Variants in SNTG2 observed in about 807,000 individuals in gnomAD.
SNTG2 encodes the protein syntrophin gamma 2.
SNTG2 carries 74 observed loss-of-function variants against 70.9 expected under a neutral mutation model. The observed-to-expected ratio is 1.04, with a 90% CI of 0.86 to 1.27. SNTG2 has a LOEUF of 1.27. Ranked by LOEUF, SNTG2 falls within the 50% of genes most tolerant of loss-of-function variation. The pLI is 0.00. For missense variants in SNTG2, 717 were observed against 690.7 expected (o/e 1.04, Z -0.43); for synonymous variants, 278 against 273.8 (o/e 1.02, Z -0.15).
chr2:1,127,040 G>T (rs183837140), intron 4 of SNTG2, among the ~76,000 whole-genome samples: 77 of 152,028 alleles, frequency 5.1e-4, no homozygotes, highest in Admixed American at 9.2e-4. Flanking sequence ...TCTCAGACCA[G>T]TGTCCAGAAC....
chr2:1,003,011 A>G (rs1659455432), intron 1 of SNTG2, among the ~76,000 whole-genome samples: 1 of 152,140 alleles, frequency 6.6e-6, no homozygotes, highest in Admixed American at 6.6e-5. Flanking sequence ...CAAATCCTGC[A>G]TGTCCCTGCA....
At chr2:1,154,268 A>G (rs7579418) in intron 6 of SNTG2, among the ~76,000 whole-genome samples, 129,603 of 151,582 alleles carry the variant, frequency 0.86, 55,777 homozygotes, top group Middle Eastern at 0.95. Context: ...CATCACATGC[A>G]GCTGAGGCGC....
At chr2:956,030 G>GGCCCCT (rs74164481) in intron 1 of SNTG2, among the ~76,000 whole-genome samples, 49 of 125,862 alleles carry the variant, frequency 3.9e-4, no homozygotes, top group Admixed American at 1.1e-3. Flanking sequence ...TGACTGTGCT[G>GGCCCCT]GCCCCTGCCC....
chr2:1,226,204 C>T (rs1675765408), intron 9 of SNTG2, among the ~76,000 whole-genome samples: 1 of 152,116 alleles, frequency 6.6e-6, no homozygotes, highest in Non-Finnish European at 1.5e-5. Flanking sequence ...TTAGAGGAAA[C>T]CTACATGGTT....
At chr2:1,015,926 A>G (rs572766285) in intron 1 of SNTG2, among the ~76,000 whole-genome samples, 2 of 152,382 alleles carry the variant, frequency 1.3e-5, no homozygotes, top group South Asian at 4.1e-4. Flanking sequence ...GTCCATGTTT[A>G]TAAATGGTCA....
chr2:1,242,341 T>A (rs1677106518), intron 11 of SNTG2, among the ~76,000 whole-genome samples: 1 of 152,098 alleles, frequency 6.6e-6, no homozygotes, highest in Admixed American at 6.5e-5. Flanking sequence ...GTCAAAAAAA[T>A]TTATGTGAAA....
chr2:1,091,476 G>A (rs1665021770), intron 2 of SNTG2, among the ~76,000 whole-genome samples: 1 of 152,198 alleles, frequency 6.6e-6, no homozygotes, highest in Non-Finnish European at 1.5e-5. Context: ...CAGAGACTCT[G>A]ATGCCAGGAC....
intron 14 of SNTG2, among the ~76,000 whole-genome samples, chr2:1,297,916 G>T (rs942977498): frequency 2.6e-5 from 4 of 152,108 alleles, no homozygotes; most frequent in African/African-American, 7.2e-5. Context: ...CCCAACCAGG[G>T]CTTGAGCAGG....
intron 4 of SNTG2, among the ~76,000 whole-genome samples, chr2:1,120,519 A>T (rs1485941058): frequency 2.0e-5 from 3 of 152,182 alleles, no homozygotes; most frequent in African/African-American, 7.2e-5. Flanking sequence ...GACCCGCTTT[A>T]TCTTTAAGGA....
chr2:1,135,504 G>T (rs1340738629), intron 4 of SNTG2, among the ~76,000 whole-genome samples: 1 of 152,236 alleles, frequency 6.6e-6, no homozygotes, highest in Admixed American at 6.5e-5. Flanking sequence ...CAGATCACCT[G>T]AGGTCAGGAG....
chr2:1,206,371 A>G (rs1207787700), intron 8 of SNTG2, among the ~76,000 whole-genome samples: 1 of 152,158 alleles, frequency 6.6e-6, no homozygotes, highest in Non-Finnish European at 1.5e-5. Flanking sequence ...ATTTCCTCCA[A>G]TGTCAGTGCC....
At chr2:1,170,221 C>G (rs796645972) in intron 7 of SNTG2, among the ~76,000 whole-genome samples, 1 of 152,168 alleles carries the variant, frequency 6.6e-6, no homozygotes, top group Non-Finnish European at 1.5e-5. Flanking sequence ...GGCTCTTGGT[C>G]TTTTTATAAA....
chr2:1,217,021 G>A (rs1674439258), intron 9 of SNTG2, among the ~76,000 whole-genome samples: 1 of 151,970 alleles, frequency 6.6e-6, no homozygotes, highest in Admixed American at 6.6e-5. Context: ...ATGAGCAGGG[G>A]GACTTCCCAT....
Position 1,353,503 on chromosome 2 carries a change from A to G in SNTG2, c.1489-13840A>G. On this transcript the variant is annotated intron_variant, in intron 16 of 16. Coordinates refer to ENST00000308624, the MANE Select transcript of SNTG2 (RefSeq NM_018968.4). The surrounding 1 kb of genome is among the most constrained non-coding windows in gnomAD (Gnocchi z 4.2). ...CAGGTATTCATTCATGCATTGAACA[A>G]CCATCTCTTTCAAGTCTTGCTTTGA... 6.6e-6 allele frequency among the ~76,000 whole-genome samples: 1 copy of G among 152,282 alleles called. No homozygotes were observed. Among genetic ancestry groups the G allele is most frequent in the East Asian group, 1.9e-4 (1 of 5,182 alleles).
intron 1 of SNTG2, among the ~76,000 whole-genome samples, chr2:1,083,250 TAAAA>T (rs34463801): frequency 8.9e-5 from 5 of 56,188 alleles, no homozygotes; most frequent in Non-Finnish European, 1.3e-4. Flanking sequence ...CTTCACAAGT[TAAAA>T]AAAAAACAAA....
intron 8 of SNTG2, among the ~76,000 whole-genome samples, chr2:1,192,367 T>C (rs1275109211): frequency 6.6e-6 from 1 of 152,158 alleles, no homozygotes; most frequent in African/African-American, 2.4e-5. Flanking sequence ...CACCCAGGGA[T>C]TTATTACAAG....
At chr2:964,458 A>T (rs1259836791) in intron 1 of SNTG2, among the ~76,000 whole-genome samples, 1 of 152,196 alleles carries the variant, frequency 6.6e-6, no homozygotes. Flanking sequence ...AGTCCCAAAC[A>T]AATCCTTCTC....
At chr2:1,064,239 T>C (rs1010979667) in intron 1 of SNTG2, among the ~76,000 whole-genome samples, 1 of 151,740 alleles carries the variant, frequency 6.6e-6, no homozygotes, top group Admixed American at 6.6e-5. Context: ...AGAAGTAAAA[T>C]AAAAAGATTA....
chr2:1,004,247 A>T (rs1428373546), intron 1 of SNTG2, among the ~76,000 whole-genome samples: 1 of 152,234 alleles, frequency 6.6e-6, no homozygotes, highest in South Asian at 2.1e-4. Flanking sequence ...AAGATAACAC[A>T]GGAAAAGCCT....
Sources: gnomAD v4.1 joint callset for allele counts (sites outside exome capture counted in the v4.1 genomes callset) on GRCh38, gnomAD v4.1.1 for gene constraint, Gnocchi (gnomAD v3.1) non-coding constraint, MANE v1.5 for transcripts, NCBI Gene and HGNC (gene_info 2026-07-23, HGNC 2026-07-21) for gene names.